CCSAP: variants seen among roughly 807,000 people sequenced by gnomAD.
CCSAP encodes centriole, cilia and spindle associated protein.
A neutral mutation model predicts 25.9 loss-of-function variants in CCSAP; 17 were observed. That is an observed-to-expected ratio of 0.66 (90% CI 0.45 to 0.99). The LOEUF is 0.99. CCSAP is among the 50% of genes least tolerant of loss of function. The pLI is 0.00. For missense variants in CCSAP, 339 were observed against 367.8 expected (o/e 0.92, Z 0.64); for synonymous variants, 169 against 157.1 (o/e 1.08, Z -0.57).
chr1:229,337,719 G>GTATA (rs71962932), intron 2 of CCSAP, among the ~76,000 whole-genome samples: 44 of 91,838 alleles, frequency 4.8e-4, no homozygotes, highest in Non-Finnish European at 7.2e-4. Context: ...ATATATATAT[G>GTATA]TATATATATA....
Position 229,325,110 on chromosome 1 carries a change from A to T in CCSAP, c.*125T>A. 1.0e-6 allele frequency: 1 copy of T among 952,982 alleles called. No homozygotes were observed. The highest frequency in any genetic ancestry group is 1.5e-6 in the Non-Finnish European group (1 of 654,622). The allele number at this position is 952,982 out of a possible 1,614,324, so 59.0% of individuals were successfully genotyped here. ...TAAAACAATCTTTTACAAATTCCCT[A>T]AAAAAAACCTTGCATAATCAGTTGG... On this transcript the variant is annotated 3_prime_UTR_variant, in exon 4 of 4. Coordinates refer to ENST00000284617, the MANE Select transcript of CCSAP (RefSeq NM_145257.5).
intron 2 of CCSAP, among the ~76,000 whole-genome samples, chr1:229,332,458 G>A (rs1364611041): frequency 6.6e-6 from 1 of 152,152 alleles, no homozygotes; most frequent in Non-Finnish European, 1.5e-5. Context: ...GTTGTTGTGT[G>A]ACAACAGAGG....
intron 2 of CCSAP, chr1:229,340,450 T>C (rs754008651): frequency 3.2e-5 from 23 of 716,126 alleles, no homozygotes; most frequent in South Asian, 5.9e-5. Flanking sequence ...TGCCTAAAAA[T>C]TGTATTTATA....
chr1:229,335,265 G>A (rs1467454224), intron 2 of CCSAP, among the ~76,000 whole-genome samples: 1 of 152,082 alleles, frequency 6.6e-6, no homozygotes, highest in Non-Finnish European at 1.5e-5. Context: ...GCTACAGAGA[G>A]CTTAGATCAT....
chr1:229,342,538 G>C lies in CCSAP; in HGVS notation c.-48-25C>G. On this transcript the variant is annotated intron_variant, in intron 1 of 3. Coordinates refer to ENST00000284617, the MANE Select transcript of CCSAP (RefSeq NM_145257.5). The surrounding 1 kb of genome is among the most constrained non-coding windows in gnomAD (Gnocchi z 7.5). ...CCTACGGGACCCGGTACACGACACA[G>C]AGGCCGCCCCGCCCCTCCGCCGGCC... 4 of 1,048,602 alleles carry C rather than the reference G, an allele frequency of 3.8e-6. No homozygotes were observed. Among genetic ancestry groups the C allele is most frequent in the Non-Finnish European group, 2.5e-6 (2 of 815,246 alleles). The allele number at this position is 1,048,602 out of a possible 1,614,324, so 65.0% of individuals were successfully genotyped here.
At chr1:229,331,751 T>C (rs930373738) in intron 2 of CCSAP, among the ~76,000 whole-genome samples, 1 of 151,602 alleles carries the variant, frequency 6.6e-6, no homozygotes, top group East Asian at 1.9e-4. Context: ...TATCTCACCC[T>C]GTTCATCTCT....
intron 2 of CCSAP, among the ~76,000 whole-genome samples, chr1:229,336,197 A>G (rs1173787858): frequency 1.3e-5 from 2 of 149,708 alleles, no homozygotes; most frequent in Non-Finnish European, 3.0e-5. Context: ...TTAAGCTACT[A>G]ATTTTCAAGG....
chr1:229,336,543 G>A (rs947146266), intron 2 of CCSAP, among the ~76,000 whole-genome samples: 2 of 152,162 alleles, frequency 1.3e-5, no homozygotes, highest in East Asian at 1.9e-4. Flanking sequence ...ACGCTGGCAG[G>A]TATACATGTT....
intron 2 of CCSAP, among the ~76,000 whole-genome samples, chr1:229,328,472 C>CA (rs202189967): frequency 5.5e-5 from 7 of 127,454 alleles, no homozygotes; most frequent in African/African-American, 1.6e-4. Context: ...AGGCAATTTA[C>CA]AAAAAAATTT....
chr1:229,329,836 C>G (rs909433538), intron 2 of CCSAP, among the ~76,000 whole-genome samples: 2 of 152,010 alleles, frequency 1.3e-5, no homozygotes, highest in African/African-American at 4.8e-5. Flanking sequence ...ACTAAAAGTA[C>G]AAAAATTAGC....
rs1161904594 is a variant in CCSAP at position 229,324,096 on chromosome 1, C to T, written c.*1139G>A. ...TTGTGCCTACCCACACACCACCATT[C>T]TCTCCCATTAAAGTGTAGATAAGAT... is the stretch of plus-strand genomic sequence containing the variant. On this transcript the variant is annotated 3_prime_UTR_variant, in exon 4 of 4. Coordinates refer to ENST00000284617, the MANE Select transcript of CCSAP (RefSeq NM_145257.5). 6.6e-6 allele frequency: 1 copy of T among 152,642 alleles called. No homozygotes were observed. Among genetic ancestry groups the T allele is most frequent in the Non-Finnish European group, 1.5e-5 (1 of 68,040 alleles). 9.5% of individuals were successfully genotyped at this position (152,642 alleles called of 1,614,324 possible). A position where few individuals can be genotyped will look rare whatever the true frequency, so the allele number is the denominator to read the frequency against.
intron 2 of CCSAP, among the ~76,000 whole-genome samples, chr1:229,337,719 G>GTATATATATATATATATGTA (rs71962932): frequency 2.2e-5 from 2 of 91,854 alleles, no homozygotes; most frequent in Non-Finnish European, 4.2e-5. Context: ...ATATATATAT[G>GTATATATATATATATATGTA]TATATATATA....
chr1:229,326,991 T>G lies in CCSAP; in HGVS notation c.383A>C (p.Asp128Ala), dbSNP rs753374369. The G allele has an allele frequency of 6.2e-7, 1 of 1,608,124 alleles. No individual in the cohort carries two copies. The highest frequency in any genetic ancestry group is 8.5e-7 in the Non-Finnish European group (1 of 1,176,034). ...TTGTTGTTCAGGTTTATCTTCTACA[T>G]CTTTCACTGGCAGTGCTTTTGAAAA... is the stretch of plus-strand genomic sequence containing the variant. ...DAALPALPVK[D>A]VEDKPEQQTR... Residue 128 changes from aspartate to alanine, a missense_variant, in exon 3 of 4, where the codon GAT becomes GCT. Asp to Ala is a moderately radical substitution (Grantham distance 126). Transcript: ENST00000284617.
At position 229,322,051 on chromosome 1, in the gene CCSAP, G is replaced by A. The variant is rs916608276; in HGVS notation, c.*3184C>T. 5 of 152,188 alleles carry A rather than the reference G, an allele frequency of 3.3e-5. No homozygotes were observed. The highest frequency in any genetic ancestry group is 1.2e-4 in the African/African-American group (5 of 41,456). 9.4% of individuals were successfully genotyped at this position (152,188 alleles called of 1,614,324 possible). A position where few individuals can be genotyped will look rare whatever the true frequency, so the allele number is the denominator to read the frequency against. Reference sequence around the variant, plus strand: ...GCAAATACTACACCATTTTATAGAAGGGGTTTGAGTATCCATGGAGTTTGG... The same window carrying A: ...GCAAATACTACACCATTTTATAGAAAGGGTTTGAGTATCCATGGAGTTTGG... On this transcript the variant is annotated 3_prime_UTR_variant, in exon 4 of 4. Transcript: ENST00000284617.
intron 3 of CCSAP, among the ~76,000 whole-genome samples, chr1:229,325,908 G>T (rs1403059016): frequency 6.6e-6 from 1 of 152,192 alleles, no homozygotes; most frequent in Non-Finnish European, 1.5e-5. Flanking sequence ...GAGATCTTTT[G>T]TTAAACGGCA....
chr1:229,332,487 T>C (rs238086), intron 2 of CCSAP, among the ~76,000 whole-genome samples: 58,975 of 152,144 alleles, frequency 0.39, 11,834 homozygotes, highest in Admixed American at 0.45. Context: ...TGAGAGTTTT[T>C]TCCAAACAAT....
At chr1:229,336,352 A>G (rs1658195371) in intron 2 of CCSAP, among the ~76,000 whole-genome samples, 1 of 151,860 alleles carries the variant, frequency 6.6e-6, no homozygotes, top group African/African-American at 2.4e-5. Context: ...AGATGACCCT[A>G]GGGACAGGAG....
intron 2 of CCSAP, among the ~76,000 whole-genome samples, chr1:229,334,603 A>C (rs990831343): frequency 6.6e-6 from 1 of 152,172 alleles, no homozygotes; most frequent in Non-Finnish European, 1.5e-5. Context: ...TAATAAATTA[A>C]TGAAAATATA....
intron 2 of CCSAP, among the ~76,000 whole-genome samples, chr1:229,341,166 C>T (rs1658322132): frequency 7.0e-6 from 1 of 142,728 alleles, no homozygotes; most frequent in South Asian, 2.1e-4. Flanking sequence ...TGCGCTCCAG[C>T]CTGGGCCACA....
Sources: allele counts gnomAD v4.1 joint callset (sites outside exome capture counted in the v4.1 genomes callset), GRCh38; gene constraint gnomAD v4.1.1; non-coding constraint Gnocchi (gnomAD v3.1); transcripts MANE v1.5; gene names NCBI Gene and HGNC (gene_info 2026-07-23, HGNC 2026-07-21).